ANKRD11: variants seen among roughly 807,000 people sequenced by gnomAD.
The protein encoded by ANKRD11 is ankyrin repeat domain 11.
A neutral mutation model predicts 195.7 loss-of-function variants in ANKRD11; 17 were observed. That is an observed-to-expected ratio of 0.09 (90% confidence interval 0.06 to 0.13). ANKRD11 has a LOEUF of 0.13. Among genes scored for constraint, ANKRD11 ranks in the 10% least tolerant of loss-of-function variants. The probability of loss-of-function intolerance (pLI) is 1.00; values close to 1 mark genes in which losing one functional copy is unlikely to be tolerated. For synonymous variants in ANKRD11, 1,953 were observed against 1,528.1 expected, an observed-to-expected ratio of 1.28 and a Z score of -6.49; for missense variants, 3,735 against 3,566.1, an observed-to-expected ratio of 1.05 and a Z score of -1.21.
rs1428499845 is a variant in ANKRD11, at chr16:89,280,410, G to A, written c.6132C>T (p.Val2044=). 4 of 1,563,992 alleles carry A rather than the reference G, an allele frequency of 2.6e-6. No homozygotes were observed. Among genetic ancestry groups the A allele is most frequent in the East Asian group, 2.3e-5 (1 of 44,164 alleles). The change falls in exon 9 of 13, where the codon GTC becomes GTT. Residue 2044 remains valine, a synonymous_variant. Coordinates refer to ENST00000301030, the MANE Select transcript of ANKRD11 (RefSeq NM_013275.6). Reference sequence around the variant, plus strand: ...CCTCTGAGGTGGAGATGGCGGCGGGGACGGCGTCCACTCCGTCCTTGACGT... The same window carrying A: ...CCTCTGAGGTGGAGATGGCGGCGGGAACGGCGTCCACTCCGTCCTTGACGT... ...LEDVKDGVDA[V]PAAISTSEAA... is the part of the protein sequence containing the mutation.
At chr16:89,274,665 C>A in intron 11 of ANKRD11, 149 bp downstream of exon 11, 5 of 1,214,040 alleles carry the variant, frequency 4.1e-6, no homozygotes, top group South Asian at 2.5e-5. Flanking sequence ...TCGCCCAAGG[C>A]TAGAGGCATG....
intron 2 of ANKRD11, among the ~76,000 whole-genome samples, chr16:89,403,356 G>T (rs2041780077): frequency 6.6e-6 from 1 of 152,154 alleles, no homozygotes; most frequent in Non-Finnish European, 1.5e-5. Flanking sequence ...CCGCGTGGAA[G>T]AACATGGAGG....
intron 1 of ANKRD11, among the ~76,000 whole-genome samples, chr16:89,424,413 G>T (rs907670900): frequency 2.0e-5 from 3 of 150,414 alleles, no homozygotes; most frequent in African/African-American, 7.4e-5. Context: ...TGCACTCCAG[G>T]CTGGGTGACA....
intron 2 of ANKRD11, among the ~76,000 whole-genome samples, chr16:89,337,852 C>G: frequency 6.6e-6 from 1 of 152,212 alleles, no homozygotes; most frequent in Admixed American, 6.5e-5. Context: ...GTTCCTCTCC[C>G]TCTGTTCTCT....
intron 2 of ANKRD11, among the ~76,000 whole-genome samples, chr16:89,318,643 C>T (rs938183383): frequency 6.6e-6 from 1 of 152,238 alleles, no homozygotes; most frequent in African/African-American, 2.4e-5. Context: ...GCCACCTGCC[C>T]CTGGACGCAG....
intron 1 of ANKRD11, chr16:89,431,127 C>T (rs2042959164): frequency 6.6e-6 from 1 of 152,176 alleles, no homozygotes; most frequent in Non-Finnish European, 1.5e-5. Context: ...GGAGTTTCCA[C>T]ATAAAACCTG....
Position 89,288,627 on chromosome 16 carries a change from G to T in ANKRD11, c.645C>A (p.Asp215Glu), listed in dbSNP as rs773258799. ...LHEACNRGYY[D>E]VAKQLLAAGA... is the part of the protein sequence containing the mutation. ...CTGCAGCCAGCAGCTGCTTCGCGAC[G>T]TCGTAGTAGCCCCGGTTACAGGCCT... Residue 215 changes from aspartate (D) to glutamate (E), a missense_variant, in exon 7 of 13, where the codon GAC becomes GAA. Coordinates refer to ENST00000301030, the MANE Select transcript of ANKRD11 (RefSeq NM_013275.6). 13 of 1,614,086 alleles carry T rather than the reference G, an allele frequency of 8.1e-6. No individual in the cohort carries two copies.
chr16:89,307,246 A>G (rs1416757964), intron 3 of ANKRD11, among the ~76,000 whole-genome samples: 1 of 152,206 alleles, frequency 6.6e-6, no homozygotes, highest in South Asian at 2.1e-4. Context: ...GAGATGCCCA[A>G]CTGTTCCTGG....
chr16:89,456,037 G>C (rs1158529606), intron 1 of ANKRD11, among the ~76,000 whole-genome samples: 1 of 152,026 alleles, frequency 6.6e-6, no homozygotes, highest in East Asian at 1.9e-4. Context: ...TCAGGAGTTT[G>C]AGACCAGCCT....
intron 2 of ANKRD11, among the ~76,000 whole-genome samples, chr16:89,366,850 C>A (rs1452546794): frequency 6.6e-6 from 1 of 152,236 alleles, no homozygotes; most frequent in African/African-American, 2.4e-5. Flanking sequence ...ACACTTTGGG[C>A]TTTGCAAGCC....
rs772267579 is a variant in ANKRD11 at position 89,283,232 on chromosome 16, C to CT, written c.3309dup (p.Asp1104ArgfsTer2). 5 of 1,613,910 alleles carry CT rather than the reference C, an allele frequency of 3.1e-6. No homozygotes were observed. The highest frequency in any genetic ancestry group is 2.2e-5 in the East Asian group (1 of 44,874). The stretch of plus-strand genomic sequence containing the variant: ...CTTTTCTCTTTGCCTTTCTTGTCAT[C>CT]TTTTTTTTCAGAGAAGTCTTCTGAG... On this transcript the variant is annotated frameshift_variant, in exon 9 of 13. Transcript: ENST00000301030. LOFTEE classifies it high-confidence loss of function. This position sits in a 1 kb window ranked among gnomAD's most constrained non-coding sequence, Gnocchi z 4.3.
At chr16:89,311,458 C>T (rs1201740406) in intron 3 of ANKRD11, among the ~76,000 whole-genome samples, 1 of 152,140 alleles carries the variant, frequency 6.6e-6, no homozygotes, top group Non-Finnish European at 1.5e-5. Flanking sequence ...ACACCACATA[C>T]AAAACATGAA....
intron 1 of ANKRD11, among the ~76,000 whole-genome samples, chr16:89,489,852 G>C (rs1421542835): frequency 1.6e-5 from 2 of 121,336 alleles, no homozygotes; most frequent in Non-Finnish European, 3.5e-5. Context: ...GCCCGCCCCG[G>C]AGCCCCCAAT....
chr16:89,330,348 G>C (rs1051918146), intron 2 of ANKRD11, among the ~76,000 whole-genome samples: 7 of 152,088 alleles, frequency 4.6e-5, no homozygotes, highest in Non-Finnish European at 8.8e-5. Context: ...CAGGATGTGA[G>C]TCAGGTGCTA....
At chr16:89,334,298 A>T (rs2038232806) in intron 2 of ANKRD11, among the ~76,000 whole-genome samples, 1 of 151,960 alleles carries the variant, frequency 6.6e-6, no homozygotes, top group South Asian at 2.1e-4. Context: ...GTCAACCCCC[A>T]GTGAGTGTAC....
intron 1 of ANKRD11, among the ~76,000 whole-genome samples, chr16:89,419,522 T>A (rs1231426507): frequency 6.7e-6 from 1 of 149,412 alleles, no homozygotes; most frequent in East Asian, 2.0e-4. Context: ...ACTCCAAGAA[T>A]AAAACAAACC....
chr16:89,398,565 T>G (rs2041562374), intron 2 of ANKRD11, among the ~76,000 whole-genome samples: 2 of 152,162 alleles, frequency 1.3e-5, no homozygotes, highest in African/African-American at 4.8e-5. Flanking sequence ...AAAAAATTTT[T>G]TTTTAACAAA....
chr16:89,281,037 C>T lies in ANKRD11; in HGVS notation c.5505G>A (p.Leu1835=), dbSNP rs982674940. 2.3e-5 allele frequency: 37 copies of T among 1,599,798 alleles called. No homozygotes were observed. The highest frequency in any genetic ancestry group is 2.9e-5 in the Non-Finnish European group (34 of 1,171,024). The change falls in exon 9 of 13, where the codon CTG becomes CTA. Residue 1835 remains leucine (L), a synonymous_variant. Transcript: ENST00000301030. This position sits in a 1 kb window ranked among gnomAD's most constrained non-coding sequence, Gnocchi z 5.5. ...MPPSMEDRAP[L]PPVPAEKFAC... Reference sequence around the variant, plus strand: ...CAAACTTCTCCGCGGGAACCGGGGGCAGGGGCGCCCTGTCTTCCATCGAGG... The same window carrying T: ...CAAACTTCTCCGCGGGAACCGGGGGTAGGGGCGCCCTGTCTTCCATCGAGG...
intron 2 of ANKRD11, among the ~76,000 whole-genome samples, chr16:89,385,811 C>G (rs1190451355): frequency 6.6e-6 from 1 of 152,244 alleles, no homozygotes; most frequent in Non-Finnish European, 1.5e-5. Flanking sequence ...TCACCCCCGC[C>G]GCTGCGCAGC....
Sources: gnomAD v4.1 joint callset for allele counts (sites outside exome capture counted in the v4.1 genomes callset) on GRCh38, gnomAD v4.1.1 for gene constraint, Gnocchi (gnomAD v3.1) non-coding constraint, MANE v1.5 for transcripts, NCBI Gene and HGNC (gene_info 2026-07-23, HGNC 2026-07-21) for gene names.